PCDHGA6: variants seen among roughly 807,000 people sequenced by gnomAD.
The protein encoded by PCDHGA6 is protocadherin gamma subfamily A, 6.
In PCDHGA6, 41 loss-of-function variants were observed where a neutral mutation model predicts 60.6. That is an observed-to-expected ratio of 0.68 (90% CI 0.53 to 0.88). The LOEUF is 0.88. Among genes scored for constraint, PCDHGA6 ranks in the 40% least tolerant of loss-of-function variants. The pLI is 0.00. For synonymous variants in PCDHGA6, 594 were observed against 524.4 expected, an observed-to-expected ratio of 1.13 and a Z score of -1.81; for missense variants, 1,312 against 1,203.0, an observed-to-expected ratio of 1.09 and a Z score of -1.34.
At position 141,485,568 on chromosome 5, in the gene PCDHGA6, G is replaced by T. The variant is rs1020556289; in HGVS notation, c.2425-9239G>T. 6.2e-7 allele frequency: 1 copy of T among 1,612,758 alleles called. No homozygotes were observed. Among genetic ancestry groups the T allele is most frequent in the Non-Finnish European group, 8.5e-7 (1 of 1,178,924 alleles). On this transcript the variant is annotated intron_variant, in intron 1 of 3. Coordinates refer to ENST00000517434, the MANE Select transcript of PCDHGA6 (RefSeq NM_018919.3). The surrounding 1 kb of genome is among the most constrained non-coding windows in gnomAD (Gnocchi z 5.7). Reference sequence around the variant, plus strand: ...GTAGATGTGAATGATCACGCCCCCCGTTTTCCGCGGCAGCAGCTGGACTTG... The same window carrying T: ...GTAGATGTGAATGATCACGCCCCCCTTTTTCCGCGGCAGCAGCTGGACTTG...
At chr5:141,408,188 G>A in intron 1 of PCDHGA6, 6 of 1,543,620 alleles carry the variant, frequency 3.9e-6, no homozygotes, top group Non-Finnish European at 4.4e-6. Flanking sequence ...GACCCAGCGA[G>A]AACCCGAGCG....
At chr5:141,483,179 G>C (rs2099577971) in intron 1 of PCDHGA6, among the ~76,000 whole-genome samples, 2 of 152,294 alleles carry the variant, frequency 1.3e-5, no homozygotes, top group African/African-American at 4.8e-5. Flanking sequence ...TTTGGGCCAA[G>C]CCAAGGAGTT....
chr5:141,432,172 CGTCTCTGTGACCGCCCACGACCCCGA>C lies in PCDHGA6; in HGVS notation c.2424+55666_2424+55691del. 6.2e-7 allele frequency: 1 copy of C among 1,614,152 alleles called. No individual in the cohort carries two copies. Among genetic ancestry groups the C allele is most frequent in the Non-Finnish European group, 8.5e-7 (1 of 1,180,038 alleles). ...AGAACAATCCCAGAGGAGTTTCCCT[CGTCTCTGTGACCGCCCACGACCCCGA>C]CTGTGAAGAGAACGCCCAGATCACT... On this transcript the variant is annotated intron_variant, in intron 1 of 3. Transcript: ENST00000517434. The surrounding 1 kb of genome is among the most constrained non-coding windows in gnomAD (Gnocchi z 6.0).
At chr5:141,394,915 C>T in intron 1 of PCDHGA6, 1 of 1,613,774 alleles carries the variant, frequency 6.2e-7, no homozygotes, top group Non-Finnish European at 8.5e-7. Flanking sequence ...GCTGCCATCT[C>T]CTGTGTCTTC....
At chr5:141,397,255 T>C (rs1471539186) in intron 1 of PCDHGA6, among the ~76,000 whole-genome samples, 2 of 152,214 alleles carry the variant, frequency 1.3e-5, no homozygotes, top group Admixed American at 6.5e-5. Flanking sequence ...GGGTATATCA[T>C]TTCTTAGCTA....
rs1382764259 is a variant in PCDHGA6 at position 141,478,383 on chromosome 5, T to G, written c.2425-16424T>G. 2.5e-6 allele frequency: 4 copies of G among 1,613,630 alleles called. No individual in the cohort carries two copies. In the Admixed American group the frequency reaches 6.7e-5, roughly 27 times the overall value. Reference sequence around the variant, plus strand: ...CGGGGAGGCCTGATGTCGCCGCACCTTTACCATCAGGTGTATCTCACCACG... The same window carrying G: ...CGGGGAGGCCTGATGTCGCCGCACCGTTACCATCAGGTGTATCTCACCACG... On this transcript the variant is annotated intron_variant, in intron 1 of 3. Coordinates refer to ENST00000517434, the MANE Select transcript of PCDHGA6 (RefSeq NM_018919.3).
At position 141,401,132 on chromosome 5, in the gene PCDHGA6, A is replaced by G. The variant is rs534048041; in HGVS notation, c.2424+24625A>G. Among the ~76,000 whole-genome samples, 4 of 152,344 alleles carry G rather than the reference A, an allele frequency of 2.6e-5. No homozygotes were observed. In the South Asian group the frequency reaches 8.3e-4, roughly 32 times the overall value. ...GCCGAGGCGGTTGGATCACATGGTCAGGAGTTCAAGACCAGCCTGGGCAAT... is the reference window on the plus strand; with the variant it reads ...GCCGAGGCGGTTGGATCACATGGTCGGGAGTTCAAGACCAGCCTGGGCAAT... On this transcript the variant is annotated intron_variant, in intron 1 of 3. Coordinates refer to ENST00000517434, the MANE Select transcript of PCDHGA6 (RefSeq NM_018919.3).
intron 1 of PCDHGA6, chr5:141,426,581 C>A: frequency 2.8e-6 from 1 of 358,468 alleles, no homozygotes. Context: ...TCTTCAAAAT[C>A]CTCTGTGTCA....
At chr5:141,456,058 C>T (rs1488082918) in intron 1 of PCDHGA6, among the ~76,000 whole-genome samples, 3 of 151,880 alleles carry the variant, frequency 2.0e-5, no homozygotes, top group Admixed American at 6.6e-5. Context: ...CCACCACGTC[C>T]GGCTAATTTT....
chr5:141,442,675 G>A (rs1381554808), intron 1 of PCDHGA6, among the ~76,000 whole-genome samples: 1 of 152,248 alleles, frequency 6.6e-6, no homozygotes, highest in Admixed American at 6.5e-5. Context: ...GTGAGCTTGA[G>A]GGACAGTAGT....
At chr5:141,380,964 T>G (rs774157943) in intron 1 of PCDHGA6, among the ~76,000 whole-genome samples, 7 of 152,256 alleles carry the variant, frequency 4.6e-5, no homozygotes, top group Non-Finnish European at 1.0e-4. Flanking sequence ...TCAAAAGTAC[T>G]ATTAAACAAA....
At chr5:141,498,588 A>G (rs1326073516) in intron 2 of PCDHGA6, among the ~76,000 whole-genome samples, 1 of 152,082 alleles carries the variant, frequency 6.6e-6, no homozygotes, top group Non-Finnish European at 1.5e-5. Context: ...GTTCTTCAGT[A>G]AACTTGGTTC....
rs550977374 is a variant in PCDHGA6, at chr5:141,447,118, G to A, written c.2425-47689G>A. 9.2e-5 allele frequency among the ~76,000 whole-genome samples: 14 copies of A among 151,984 alleles called. No individual in the cohort carries two copies. The East Asian group carries it at 2.7e-3, about 29-fold the overall frequency. ...TTCACATGATTATATGTGCTCCATGGATTTTTTTGTTTGTTTGTTTTTTGT... is the reference window on the plus strand; with the variant it reads ...TTCACATGATTATATGTGCTCCATGAATTTTTTTGTTTGTTTGTTTTTTGT... On this transcript the variant is annotated intron_variant, in intron 1 of 3. Transcript: ENST00000517434.
At chr5:141,377,345 C>T (rs1275867689) in intron 1 of PCDHGA6, 1 of 152,148 alleles carries the variant, frequency 6.6e-6, no homozygotes, top group African/African-American at 2.4e-5. Flanking sequence ...GTGGTTCACG[C>T]CTGTAATCCC....
At chr5:141,433,353 G>C (rs2097584366) in intron 1 of PCDHGA6, 4 of 603,272 alleles carry the variant, frequency 6.6e-6, no homozygotes, top group South Asian at 6.2e-5. Context: ...GCCACCTACT[G>C]TCTGCCTATC....
chr5:141,383,347 G>A, intron 1 of PCDHGA6: 1 of 1,614,012 alleles, frequency 6.2e-7, no homozygotes, highest in Non-Finnish European at 8.5e-7. Context: ...AGCTCCTGGG[G>A]TTCGGTTTCC....
chr5:141,382,945 C>A, intron 1 of PCDHGA6: 1 of 1,597,008 alleles, frequency 6.3e-7, no homozygotes, highest in Non-Finnish European at 8.6e-7. Flanking sequence ...ATTCTTCCTG[C>A]TCTCCATCCT....
chr5:141,494,197 C>T (rs73794924), intron 1 of PCDHGA6, among the ~76,000 whole-genome samples: 1,654 of 152,242 alleles, frequency 0.011, 27 homozygotes, highest in African/African-American at 0.037. Flanking sequence ...CTTGGATGCC[C>T]CGCAAAGGCC....
At chr5:141,418,848 G>C (rs770294020) in intron 1 of PCDHGA6, 1 of 1,613,836 alleles carries the variant, frequency 6.2e-7, no homozygotes, top group Non-Finnish European at 8.5e-7. Flanking sequence ...CTCTCAACAC[G>C]GTGTAAAGTA....
Sources: allele counts gnomAD v4.1 joint callset (sites outside exome capture counted in the v4.1 genomes callset), GRCh38; gene constraint gnomAD v4.1.1; non-coding constraint Gnocchi (gnomAD v3.1); transcripts MANE v1.5; gene names NCBI Gene and HGNC (gene_info 2026-07-23, HGNC 2026-07-21).